Variants in CSMD3 observed in about 807,000 individuals in gnomAD.
The protein encoded by CSMD3 is CUB and Sushi multiple domains 3, also known as CUB and sushi domain-containing protein 3.
A neutral mutation model predicts 435.2 loss-of-function variants in CSMD3; 177 were observed. The observed-to-expected ratio is 0.41, with a 90% CI of 0.36 to 0.46. The LOEUF is 0.46. Among genes scored for constraint, CSMD3 ranks in the 20% least tolerant of loss-of-function variants. The pLI, the probability that CSMD3 is intolerant of heterozygous loss-of-function variation, is 0.34. For synonymous variants in CSMD3, 1,656 were observed against 1,520.5 expected, an observed-to-expected ratio of 1.09 and a Z score of -2.07; for missense variants, 4,265 against 4,504.6, an observed-to-expected ratio of 0.95 and a Z score of 1.52.
chr8:113,075,797 A>G (rs1021763220), intron 5 of CSMD3, among the ~76,000 whole-genome samples: 17 of 151,530 alleles, frequency 1.1e-4, no homozygotes, highest in African/African-American at 4.1e-4. Context: ...ATAATAGATG[A>G]AAAAAAATTT....
chr8:112,378,879 C>T (rs1829203933), intron 38 of CSMD3, among the ~76,000 whole-genome samples: 1 of 151,910 alleles, frequency 6.6e-6, no homozygotes, highest in Non-Finnish European at 1.5e-5. Flanking sequence ...TTAATCACTA[C>T]ACATTGTATA....
chr8:112,979,127 A>C (rs915991224), intron 6 of CSMD3, among the ~76,000 whole-genome samples: 1 of 151,914 alleles, frequency 6.6e-6, no homozygotes, highest in Admixed American at 6.6e-5. Context: ...AGTAATAATT[A>C]CTTCAAAATT....
At chr8:113,088,682 G>A (rs1313297214) in intron 5 of CSMD3, among the ~76,000 whole-genome samples, 2 of 140,756 alleles carry the variant, frequency 1.4e-5, no homozygotes, top group Non-Finnish European at 3.0e-5. Context: ...GACACAAGAA[G>A]GGGAACATCA....
At chr8:113,379,269 A>G (rs570567820) in intron 1 of CSMD3, among the ~76,000 whole-genome samples, 1 of 152,252 alleles carries the variant, frequency 6.6e-6, no homozygotes, top group Admixed American at 6.5e-5. Flanking sequence ...ACTCTTGCTA[A>G]AAAGGGATTT....
At chr8:112,351,143 T>C in intron 40 of CSMD3, 32 bp downstream of exon 40, 5 of 1,273,144 alleles carry the variant, frequency 3.9e-6, no homozygotes, top group Non-Finnish European at 5.7e-6. Flanking sequence ...CTTTAAGTTC[T>C]AGGGTAAATA....
chr8:112,228,866 A>G lies in CSMD3; in HGVS notation c.10854T>C (p.Asn3618=), dbSNP rs756995037. Residue 3618 remains asparagine (N), a synonymous_variant, in exon 70 of 71, where the codon AAT becomes AAC. Transcript: ENST00000297405. ...TTGTACCATGAGGTTGATTTGAAGA[A>G]TTTGAACCTTCTGACATATTCAGTC... ...RLGLNMSEGS[N]SSNQPHGTNS... 15 of 1,563,950 alleles carry G rather than the reference A, an allele frequency of 9.6e-6. No homozygotes were observed. The highest frequency in any genetic ancestry group is 1.3e-5 in the Non-Finnish European group (15 of 1,135,856).
intron 1 of CSMD3, among the ~76,000 whole-genome samples, chr8:113,379,297 AACAC>A (rs1279752100): frequency 6.6e-6 from 1 of 152,122 alleles, no homozygotes; most frequent in Non-Finnish European, 1.5e-5. Flanking sequence ...AATTAAAAAA[AACAC>A]ACACACACAT....
chr8:113,290,479 T>C (rs72670741), intron 2 of CSMD3, among the ~76,000 whole-genome samples: 5,548 of 151,794 alleles, frequency 0.037, 151 homozygotes, highest in South Asian at 0.12. Flanking sequence ...CCATTAATTG[T>C]TTCCATTGTG....
chr8:112,471,573 C>G (rs191213626), intron 32 of CSMD3, among the ~76,000 whole-genome samples: 3 of 152,206 alleles, frequency 2.0e-5, no homozygotes, highest in African/African-American at 7.2e-5. Flanking sequence ...TGACAGTACT[C>G]TCAAATAAGT....
intron 58 of CSMD3, among the ~76,000 whole-genome samples, chr8:112,282,684 T>C (rs1268836082): frequency 6.6e-6 from 1 of 152,102 alleles, no homozygotes; most frequent in Non-Finnish European, 1.5e-5. Context: ...AAATTTCTCC[T>C]ATCCAGACAT....
At chr8:112,441,329 C>A (rs1042888105) in intron 32 of CSMD3, among the ~76,000 whole-genome samples, 2 of 152,174 alleles carry the variant, frequency 1.3e-5, no homozygotes, top group Non-Finnish European at 2.9e-5. Context: ...GCGTTTTGGT[C>A]AAAGCTACAA....
intron 5 of CSMD3, among the ~76,000 whole-genome samples, chr8:113,036,858 G>A (rs1036496318): frequency 3.3e-5 from 5 of 151,752 alleles, no homozygotes; most frequent in South Asian, 2.1e-4. Flanking sequence ...AAATTCCCTC[G>A]TTTTCTCACT....
At chr8:113,353,308 A>AT (rs536909532) in intron 1 of CSMD3, among the ~76,000 whole-genome samples, 12 of 149,788 alleles carry the variant, frequency 8.0e-5, no homozygotes, top group East Asian at 1.9e-4. Flanking sequence ...GCCTACTCAT[A>AT]TTTTTTTAAA....
chr8:112,627,632 G>T (rs1022760166), intron 22 of CSMD3, among the ~76,000 whole-genome samples: 4 of 152,190 alleles, frequency 2.6e-5, no homozygotes, highest in South Asian at 2.1e-4. Flanking sequence ...TATGGAGAAT[G>T]AGGTATTTTT....
chr8:113,007,807 T>C (rs2086112198), intron 6 of CSMD3, among the ~76,000 whole-genome samples: 1 of 151,984 alleles, frequency 6.6e-6, no homozygotes, highest in Non-Finnish European at 1.5e-5. Context: ...TATGCATTTG[T>C]GATATTTTTC....
At chr8:112,232,103 A>C (rs2129906321) in intron 68 of CSMD3, among the ~76,000 whole-genome samples, 1 of 152,274 alleles carries the variant, frequency 6.6e-6, no homozygotes, top group Non-Finnish European at 1.5e-5. Flanking sequence ...GTTAAGTTGC[A>C]AGCCTAGGCC....
chr8:112,646,235 C>T (rs774640124), intron 19 of CSMD3, among the ~76,000 whole-genome samples: 2 of 152,202 alleles, frequency 1.3e-5, no homozygotes, highest in East Asian at 1.9e-4. Flanking sequence ...TAAAATTTCT[C>T]ACTGAACACA....
At chr8:112,234,589 A>C (rs1188905848) in intron 67 of CSMD3, 112 bp from the exon 68 acceptor site, 2 of 731,114 alleles carry the variant, frequency 2.7e-6, no homozygotes, top group Non-Finnish European at 4.8e-6. Context: ...TAAAAAAAGA[A>C]ATAAAACAAG....
At chr8:112,862,511 TAAG>T (rs933551499) in intron 10 of CSMD3, among the ~76,000 whole-genome samples, 6 of 152,042 alleles carry the variant, frequency 3.9e-5, no homozygotes, top group East Asian at 3.9e-4. Context: ...CAGTGGGAAA[TAAG>T]AAGACATGTA....
Sources: gnomAD v4.1 joint callset for allele counts (sites outside exome capture counted in the v4.1 genomes callset) on GRCh38, gnomAD v4.1.1 for gene constraint, MANE v1.5 for transcripts, NCBI Gene and HGNC (gene_info 2026-07-23, HGNC 2026-07-21) for gene names.